Variants in TRIOBP observed in about 807,000 individuals in gnomAD.
The protein encoded by TRIOBP is TRIO and F-actin binding protein.
Under a neutral mutation model 238.8 loss-of-function variants are expected in TRIOBP, and 169 were observed. The observed-to-expected ratio is 0.71, with a 90% CI of 0.62 to 0.80. The LOEUF is 0.80. Among genes scored for constraint, TRIOBP ranks in the 30% least tolerant of loss-of-function variants. The pLI, the probability that TRIOBP is intolerant of heterozygous loss-of-function variation, is 0.00. For missense variants in TRIOBP, 2,838 were observed against 3,122.6 expected (o/e 0.91, Z 2.17); for synonymous variants, 1,150 against 1,274.4 (o/e 0.90, Z 2.08).
rs2145842907 is a variant in TRIOBP, at chr22:37,735,085, G to A, written c.4749G>A (p.Glu1583=). 1 of 1,606,666 alleles carries A rather than the reference G, an allele frequency of 6.2e-7. No homozygotes were observed. The highest frequency in any genetic ancestry group is 1.3e-5 in the African/African-American group (1 of 74,908). ...VWARVPSLDW[E]GLLELLQARL... is the part of the protein sequence containing the mutation. ...CCCGTGTCCCCAGCCTGGACTGGGA[G>A]GGCCTCTTGGAGCTCCTGCAGGCCA... Residue 1583 remains glutamate, a synonymous_variant, in exon 9 of 24, where the codon GAG becomes GAA. Coordinates refer to ENST00000644935, the MANE Select transcript of TRIOBP (RefSeq NM_001039141.3).
Position 37,725,801 on chromosome 22 carries a change from T to G in TRIOBP, c.3245T>G (p.Phe1082Cys), listed in dbSNP as rs376050583. Reference protein sequence around the residue: ...RASSPPRHTQFDPFPFLPDTS... With the variant: ...RASSPPRHTQCDPFPFLPDTS... ...TCCTCGCCCCCCCGCCACACCCAATTTGACCCCTTCCCCTTCCTCCCAGAC... is the reference window on the plus strand; with the variant it reads ...TCCTCGCCCCCCCGCCACACCCAATGTGACCCCTTCCCCTTCCTCCCAGAC... The change falls in exon 7 of 24, where the codon TTT (phenylalanine) becomes TGT (cysteine). Residue 1082 changes from phenylalanine (F) to cysteine (C), a missense_variant. Physicochemically the swap from Phe to Cys is radical, Grantham distance 205 (BLOSUM62 -2). Transcript: ENST00000644935. 8.2e-6 allele frequency: 13 copies of G among 1,591,950 alleles called. No homozygotes were observed. Among genetic ancestry groups the G allele is most frequent in the Middle Eastern group, 1.7e-4 (1 of 5,992 alleles).
At chr22:37,718,786 G>C (rs1482290538) in intron 6 of TRIOBP, among the ~76,000 whole-genome samples, 1 of 151,504 alleles carries the variant, frequency 6.6e-6, no homozygotes, top group Non-Finnish European at 1.5e-5. Flanking sequence ...AGCCCATTGG[G>C]ATCTGGGACA....
At chr22:37,755,723 TCTAGGTA>T in intron 15 of TRIOBP, 64 bp downstream of exon 15, 1 of 1,419,504 alleles carries the variant, frequency 7.0e-7, no homozygotes, top group Non-Finnish European at 9.9e-7. Flanking sequence ...CGAGTGGGTT[TCTAGGTA>T]CTCACCTGAG....
intron 3 of TRIOBP, among the ~76,000 whole-genome samples, chr22:37,709,090 G>T (rs1366319746): frequency 6.6e-6 from 1 of 152,198 alleles, no homozygotes; most frequent in Non-Finnish European, 1.5e-5. Context: ...ATCAGAATCT[G>T]GCTGCAGGGC....
chr22:37,701,695 C>T lies in TRIOBP; in HGVS notation c.114+216C>T, dbSNP rs183678811. Among the ~76,000 whole-genome samples, 10 of 152,354 alleles carry T rather than the reference C, an allele frequency of 6.6e-5. No homozygotes were observed. The East Asian group carries it at 1.9e-3, about 29-fold the overall frequency. The stretch of plus-strand genomic sequence containing the variant: ...TCCTGCTTATATGATACGATTGTTA[C>T]CATAGCCTTATCTAATCTGTTACTT... On this transcript the variant is annotated intron_variant, in intron 3 of 23. Transcript: ENST00000644935.
rs1417949556 is a variant in TRIOBP, at chr22:37,713,392, C to T, written c.437C>T (p.Thr146Ile). Reference protein sequence around the residue: ...SSPDSATPDDTSNSSSVDWDT... With the variant: ...SSPDSATPDDISNSSSVDWDT... ...CCTGACTCCGCCACCCCTGATGATA[C>T]CAGCAACTCGTCCTCTGTGGTGAGC... Residue 146 changes from threonine (T) to isoleucine (I), a missense_variant, in exon 5 of 24, where the codon ACC (threonine) becomes ATC (isoleucine). Around this residue, in one of 5 missense-constraint regions of TRIOBP, gnomAD observed 535 missense variants for 537.3 expected, o/e 1.00. Coordinates refer to ENST00000644935, the MANE Select transcript of TRIOBP (RefSeq NM_001039141.3). The T allele has an allele frequency of 1.9e-6, 3 of 1,613,522 alleles. No individual in the cohort carries two copies. Among genetic ancestry groups the T allele is most frequent in the Non-Finnish European group, 1.7e-6 (2 of 1,180,004 alleles).
chr22:37,772,257 G>A (rs533144579), intron 22 of TRIOBP, among the ~76,000 whole-genome samples: 5 of 152,192 alleles, frequency 3.3e-5, no homozygotes, highest in Non-Finnish European at 5.9e-5. Flanking sequence ...GAGCCAGACC[G>A]TGTTTACCGC....
At chr22:37,750,949 ACCT>A (rs1925558216) in intron 11 of TRIOBP, 2 of 364,810 alleles carry the variant, frequency 5.5e-6, no homozygotes, top group Non-Finnish European at 1.1e-5. Flanking sequence ...ACCGGTGGCC[ACCT>A]CCTCCCTGCC....
At chr22:37,717,135 T>C (rs1923563017) in intron 6 of TRIOBP, among the ~76,000 whole-genome samples, 1 of 152,202 alleles carries the variant, frequency 6.6e-6, no homozygotes. Flanking sequence ...TCTCGCTGGC[T>C]CAGGAGTGAA....
At chr22:37,726,689 G>A in intron 7 of TRIOBP, 186 bp downstream of exon 7, 2 of 635,170 alleles carry the variant, frequency 3.1e-6, no homozygotes, top group South Asian at 5.1e-5. Flanking sequence ...TGTTTTGTGT[G>A]TGTGTGTGGT....
At chr22:37,773,658 G>A (rs150011297) in intron 23 of TRIOBP, 125 bp from the exon 24 acceptor site, 28 of 152,500 alleles carry the variant, frequency 1.8e-4, no homozygotes, top group Admixed American at 4.6e-4. Flanking sequence ...CAGGAAGAGC[G>A]GATCTGGCTG....
chr22:37,755,696 A>G, intron 15 of TRIOBP, 37 bp downstream of exon 15: 2 of 1,596,530 alleles, frequency 1.3e-6, no homozygotes, highest in South Asian at 1.1e-5. Context: ...TGAGGGAGGC[A>G]CTTACCCTTG....
intron 16 of TRIOBP, among the ~76,000 whole-genome samples, chr22:37,758,692 A>AAAAG (rs1555900765): frequency 2.7e-5 from 4 of 149,814 alleles, no homozygotes; most frequent in African/African-American, 7.5e-5. Flanking sequence ...TAAAAAAAAA[A>AAAAG]AAGAAGAAGA....
chr22:37,730,823 T>C (rs889646580), intron 7 of TRIOBP, among the ~76,000 whole-genome samples: 14 of 151,892 alleles, frequency 9.2e-5, no homozygotes, highest in African/African-American at 2.9e-4. Context: ...GGTGGACACC[T>C]GTAATCCCAG....
chr22:37,712,889 A>G (rs1364865209), intron 4 of TRIOBP, among the ~76,000 whole-genome samples: 1 of 151,724 alleles, frequency 6.6e-6, no homozygotes, highest in Non-Finnish European at 1.5e-5. Context: ...CCTGGGAGGC[A>G]GAGATTGCAG....
intron 5 of TRIOBP, among the ~76,000 whole-genome samples, chr22:37,714,533 G>T (rs1173054442): frequency 6.6e-6 from 1 of 152,158 alleles, no homozygotes; most frequent in Non-Finnish European, 1.5e-5. Flanking sequence ...GCAGGGTGTG[G>T]TGGTGGGCAC....
At chr22:37,734,378 A>AC (rs751952918) in intron 8 of TRIOBP, 21 bp from the exon 9 acceptor site, 44 of 1,608,726 alleles carry the variant, frequency 2.7e-5, no homozygotes, top group Admixed American at 2.3e-4. Flanking sequence ...AGCCTCACCT[A>AC]CCCCCTCACC....
At chr22:37,764,072 G>A (rs993228387) in intron 17 of TRIOBP, among the ~76,000 whole-genome samples, 3 of 152,082 alleles carry the variant, frequency 2.0e-5, no homozygotes, top group Admixed American at 6.5e-5. Flanking sequence ...TGCCCCCTTC[G>A]TCCACTTTTA....
intron 3 of TRIOBP, among the ~76,000 whole-genome samples, chr22:37,706,087 G>A (rs1471459575): frequency 6.6e-6 from 1 of 152,108 alleles, no homozygotes; most frequent in Non-Finnish European, 1.5e-5. Context: ...AATTGAGCAG[G>A]CACGTCTACA....
Sources: allele counts gnomAD v4.1 joint callset (sites outside exome capture counted in the v4.1 genomes callset), GRCh38; gene constraint gnomAD v4.1.1; regional missense constraint gnomAD v4.1.1; transcripts MANE v1.5; gene names NCBI Gene and HGNC (gene_info 2026-07-23, HGNC 2026-07-21).